SCN2A: variants seen among roughly 807,000 people sequenced by gnomAD.
SCN2A encodes sodium voltage-gated channel alpha subunit 2.
Under a neutral mutation model 188.7 loss-of-function variants are expected in SCN2A, and 20 were observed. The observed-to-expected ratio is 0.11, with a 90% CI of 0.07 to 0.15. SCN2A has a LOEUF of 0.15. SCN2A is among the 10% of genes least tolerant of loss of function. SCN2A has a pLI of 1.00. For synonymous variants in SCN2A, 804 were observed against 833.1 expected (o/e 0.97, Z 0.60); for missense variants, 1,278 against 2,445.0 (o/e 0.52, Z 10.07).
chr2:165,358,326 G>A (rs1700283327), intron 17 of SCN2A, among the ~76,000 whole-genome samples: 1 of 152,042 alleles, frequency 6.6e-6, no homozygotes, highest in African/African-American at 2.4e-5. Flanking sequence ...TCAAATTAAA[G>A]CAATCCCTTA....
At chr2:165,313,492 TA>T in intron 8 of SCN2A, 127 bp from the exon 9 acceptor site, 1 of 936,682 alleles carries the variant, frequency 1.1e-6, no homozygotes, top group Non-Finnish European at 1.7e-6. Flanking sequence ...AAGTACTGGG[TA>T]AGGTGAGAGA....
intron 23 of SCN2A, among the ~76,000 whole-genome samples, chr2:165,379,845 T>C (rs1701508312): frequency 6.6e-6 from 1 of 151,756 alleles, no homozygotes. Flanking sequence ...GTTAGAACAA[T>C]GTCCTATTAG....
chr2:165,270,249 C>A (rs1413636733), intron 1 of SCN2A: 1 of 116,106 alleles, frequency 8.6e-6, no homozygotes, highest in East Asian at 2.8e-4. Context: ...GGCTCTCTCT[C>A]ATACTGAAAA....
chr2:165,344,482 AT>A lies in SCN2A; in HGVS notation c.2563-72del, dbSNP rs556091363. 9.2e-5 allele frequency: 86 copies of A among 937,614 alleles called. No individual in the cohort carries two copies. In the South Asian group the frequency reaches 2.4e-3, roughly 27 times the overall value. 58.1% of individuals were successfully genotyped at this position (937,614 alleles called of 1,614,324 possible). On this transcript the variant is annotated intron_variant, in intron 15 of 26. Coordinates refer to ENST00000375437, the MANE Select transcript of SCN2A (RefSeq NM_001040142.2). ...TAAAATAAAAATAAAAAATAAAAAAATAAAAATAAAATAAAATTGCAGATTT... is the reference window on the plus strand; with the variant it reads ...TAAAATAAAAATAAAAAATAAAAAAAAAAAATAAAATAAAATTGCAGATTT...
At chr2:165,324,136 G>T (rs1316258225) in intron 12 of SCN2A, among the ~76,000 whole-genome samples, 2 of 152,166 alleles carry the variant, frequency 1.3e-5, no homozygotes, top group Admixed American at 1.3e-4. Context: ...TAAACAAAGT[G>T]GCCCAAAACC....
chr2:165,362,732 A>T (rs986343493), intron 17 of SCN2A, among the ~76,000 whole-genome samples: 1 of 152,022 alleles, frequency 6.6e-6, no homozygotes, highest in Non-Finnish European at 1.5e-5. Context: ...CTGCCCCCAA[A>T]TGTCTTACAA....
intron 14 of SCN2A, among the ~76,000 whole-genome samples, chr2:165,342,033 G>T (rs1226350660): frequency 6.6e-6 from 1 of 152,146 alleles, no homozygotes; most frequent in African/African-American, 2.4e-5. Flanking sequence ...TGATCACAAT[G>T]AGTCAGTTGC....
At chr2:165,338,379 C>T (rs2105307040) in intron 14 of SCN2A, among the ~76,000 whole-genome samples, 1 of 151,398 alleles carries the variant, frequency 6.6e-6, no homozygotes, top group Non-Finnish European at 1.5e-5. Context: ...GCTGCCTTAG[C>T]CTCCCGAGTA....
intron 21 of SCN2A, 151 bp downstream of exon 21, chr2:165,373,498 C>CAAGTATTATGGG: frequency 1.2e-6 from 1 of 865,214 alleles, no homozygotes; most frequent in Non-Finnish European, 1.8e-6. Flanking sequence ...TACCAGATGC[C>CAAGTATTATGGG]CATAATACTT....
chr2:165,264,775 A>G (rs961496472), intron 1 of SCN2A, among the ~76,000 whole-genome samples: 3 of 152,012 alleles, frequency 2.0e-5, no homozygotes, highest in African/African-American at 7.2e-5. Flanking sequence ...TGCTCCAACC[A>G]TGTCCTTGAA....
chr2:165,265,009 TG>T (rs1192924240), intron 1 of SCN2A, among the ~76,000 whole-genome samples: 1 of 152,142 alleles, frequency 6.6e-6, no homozygotes, highest in Non-Finnish European at 1.5e-5. Context: ...CTGGATCAAA[TG>T]GCATTTCAGT....
intron 1 of SCN2A, among the ~76,000 whole-genome samples, chr2:165,286,491 A>C (rs1233332059): frequency 2.6e-5 from 4 of 152,236 alleles, no homozygotes; most frequent in Non-Finnish European, 5.9e-5. Context: ...CAAAATATCA[A>C]ATGTAACACA....
chr2:165,380,865 A>G (rs1701566473), intron 24 of SCN2A, 136 bp downstream of exon 24: 2 of 806,440 alleles, frequency 2.5e-6, no homozygotes, highest in Non-Finnish European at 3.9e-6. Flanking sequence ...TTGATAATCG[A>G]TAAGCTTTTA....
intron 14 of SCN2A, among the ~76,000 whole-genome samples, chr2:165,339,271 T>C (rs933797315): frequency 6.6e-6 from 1 of 151,854 alleles, no homozygotes; most frequent in Non-Finnish European, 1.5e-5. Context: ...ACACCTAATA[T>C]TTTACTTATC....
chr2:165,377,147 G>A (rs1209781919), intron 22 of SCN2A, among the ~76,000 whole-genome samples: 1 of 151,976 alleles, frequency 6.6e-6, no homozygotes, highest in East Asian at 1.9e-4. Context: ...TCAAGAATAA[G>A]CTGTCATGAT....
In SCN2A at chr2:165,354,250, C is replaced by G. The variant is rs2105336862; in HGVS notation, c.2978C>G (p.Ala993Gly). The change falls in exon 17 of 27, where the codon GCC becomes GGC. Residue 993 changes from alanine to glycine, a missense_variant. By Grantham distance (60) the Ala-to-Gly change is moderately conservative (BLOSUM62 0). This residue lies in a region of SCN2A where 5 missense variants were observed against 19.9 expected (regional missense o/e 0.25). Transcript: ENST00000375437. The part of the protein sequence containing the change: ...LSSFSSDNLA[A>G]TDDDNEMNNL... ...TCCTTCAGTTCTGACAATCTTGCTG[C>G]CACTGATGATGATAACGAAATGAAT... is the stretch of plus-strand genomic sequence containing the variant. 1 of 1,613,940 alleles carries G rather than the reference C, an allele frequency of 6.2e-7. No homozygotes were observed.
chr2:165,318,560 G>T (rs1241399490), intron 11 of SCN2A, among the ~76,000 whole-genome samples: 1 of 152,164 alleles, frequency 6.6e-6, no homozygotes, highest in Non-Finnish European at 1.5e-5. Context: ...AACGGATGGG[G>T]CACAATCATT....
chr2:165,315,407 G>A, intron 10 of SCN2A, 64 bp from the exon 11 acceptor site: 2 of 1,605,472 alleles, frequency 1.2e-6, no homozygotes, highest in South Asian at 1.1e-5. Flanking sequence ...GCTCAATTAA[G>A]CAGTAACATG....
At chr2:165,296,942 G>A in intron 2 of SCN2A, 75 bp from the exon 3 acceptor site, 1 of 789,018 alleles carries the variant, frequency 1.3e-6, no homozygotes, top group Non-Finnish European at 2.2e-6. Context: ...TATAAATAAT[G>A]GTTTTACTTT....
Sources: allele counts gnomAD v4.1 joint callset (sites outside exome capture counted in the v4.1 genomes callset), GRCh38; gene constraint gnomAD v4.1.1; regional missense constraint gnomAD v4.1.1; transcripts MANE v1.5; gene names NCBI Gene and HGNC (gene_info 2026-07-23, HGNC 2026-07-21).